ADAMTSL1: variants seen among roughly 807,000 people sequenced by gnomAD.
ADAMTSL1 encodes ADAMTS like 1.
A neutral mutation model predicts 201.8 loss-of-function variants in ADAMTSL1; 126 were observed. That is an observed-to-expected ratio of 0.62 (90% CI 0.54 to 0.72). The LOEUF (loss-of-function observed/expected upper bound fraction) is 0.72. Ranked by LOEUF, ADAMTSL1 falls within the 30% of genes least tolerant of loss-of-function variation. ADAMTSL1 has a pLI of 0.00. For missense variants in ADAMTSL1, 2,679 were observed against 2,277.8 expected, an observed-to-expected ratio of 1.18 and a Z score of -3.59; for synonymous variants, 1,121 against 903.4, an observed-to-expected ratio of 1.24 and a Z score of -4.32.
At chr9:18,593,501 T>C (rs1824056421) in intron 4 of ADAMTSL1, among the ~76,000 whole-genome samples, 1 of 152,218 alleles carries the variant, frequency 6.6e-6, no homozygotes, top group African/African-American at 2.4e-5. Flanking sequence ...TTAAATTGTT[T>C]ATTTGAAATT....
chr9:18,179,210 C>T (rs560436603), intron 2 of ADAMTSL1, among the ~76,000 whole-genome samples: 13 of 151,972 alleles, frequency 8.6e-5, no homozygotes, highest in East Asian at 1.9e-4. Flanking sequence ...AACCAAGGCT[C>T]GAGAACTACG....
At chr9:18,907,352 C>G (rs1830374521) in intron 28 of ADAMTSL1, 1 of 175,822 alleles carries the variant, frequency 5.7e-6, no homozygotes, top group Non-Finnish European at 1.2e-5. Flanking sequence ...TGCTTCTCAC[C>G]CAACAAGGAC....
intron 1 of ADAMTSL1, among the ~76,000 whole-genome samples, chr9:17,925,110 A>T (rs1342390269): frequency 1.1e-5 from 1 of 92,876 alleles, no homozygotes; most frequent in Non-Finnish European, 2.3e-5. Flanking sequence ...AAAAATGCTC[A>T]TCATCACTGG....
intron 20 of ADAMTSL1, among the ~76,000 whole-genome samples, chr9:18,814,015 A>G (rs1485964663): frequency 6.6e-6 from 1 of 152,166 alleles, no homozygotes; most frequent in East Asian, 1.9e-4. Context: ...TTTATCATGA[A>G]TGGATGTTGA....
chr9:18,737,319 CAAAA>C (rs59511409), intron 15 of ADAMTSL1, among the ~76,000 whole-genome samples: 19 of 53,670 alleles, frequency 3.5e-4, no homozygotes, highest in African/African-American at 1.4e-3. Context: ...AACTCTGTCT[CAAAA>C]AAAAAAAAAA....
intron 1 of ADAMTSL1, among the ~76,000 whole-genome samples, chr9:18,054,915 G>T (rs1822107784): frequency 6.6e-6 from 1 of 152,128 alleles, no homozygotes; most frequent in African/African-American, 2.4e-5. Flanking sequence ...GTACTGAACT[G>T]GTCCAACTAT....
intron 4 of ADAMTSL1, among the ~76,000 whole-genome samples, chr9:18,578,968 T>A (rs1307717505): frequency 1.3e-5 from 2 of 151,666 alleles, no homozygotes; most frequent in Non-Finnish European, 2.9e-5. Flanking sequence ...TTTGCATTTC[T>A]CTGATGGCCA....
intron 13 of ADAMTSL1, among the ~76,000 whole-genome samples, chr9:18,702,374 ATATT>A (rs1831974719): frequency 6.6e-6 from 1 of 152,210 alleles, no homozygotes; most frequent in Non-Finnish European, 1.5e-5. Context: ...GTTTATCAGT[ATATT>A]AATAAAGTGA....
intron 20 of ADAMTSL1, among the ~76,000 whole-genome samples, chr9:18,806,786 T>A (rs1823150290): frequency 6.6e-6 from 1 of 152,144 alleles, no homozygotes; most frequent in African/African-American, 2.4e-5. Flanking sequence ...TCTCCAGAGG[T>A]CCTCATCCTT....
At chr9:18,652,584 A>G (rs975966035) in intron 7 of ADAMTSL1, among the ~76,000 whole-genome samples, 1 of 152,190 alleles carries the variant, frequency 6.6e-6, no homozygotes, top group Non-Finnish European at 1.5e-5. Flanking sequence ...ACAGTACTTA[A>G]TAAATTATAT....
intron 2 of ADAMTSL1, among the ~76,000 whole-genome samples, chr9:18,411,597 A>C (rs1033396738): frequency 6.6e-6 from 1 of 152,216 alleles, no homozygotes; most frequent in African/African-American, 2.4e-5. Context: ...TATTATCAGA[A>C]TCGTTATATA....
At chr9:18,405,683 A>G (rs1818163171) in intron 2 of ADAMTSL1, among the ~76,000 whole-genome samples, 1 of 152,118 alleles carries the variant, frequency 6.6e-6, no homozygotes, top group East Asian at 1.9e-4. Context: ...ATTTAAAACT[A>G]TTATGATGGT....
At chr9:18,207,348 T>C (rs895088264) in intron 2 of ADAMTSL1, among the ~76,000 whole-genome samples, 3 of 152,142 alleles carry the variant, frequency 2.0e-5, no homozygotes, top group African/African-American at 7.2e-5. Context: ...CGTCTTATAA[T>C]ATGGTATCTC....
chr9:18,152,445 G>A (rs1393110552), intron 1 of ADAMTSL1, among the ~76,000 whole-genome samples: 1 of 152,142 alleles, frequency 6.6e-6, no homozygotes, highest in East Asian at 1.9e-4. Flanking sequence ...GCCTAAAAGA[G>A]ATGGCTGACT....
chr9:18,489,418 T>C (rs1265879050), intron 1 of ADAMTSL1, among the ~76,000 whole-genome samples: 1 of 152,158 alleles, frequency 6.6e-6, no homozygotes, highest in African/African-American at 2.4e-5. Context: ...GATCATCCGA[T>C]CCTGTTACAT....
chr9:18,499,393 G>T (rs1822712813), intron 1 of ADAMTSL1, among the ~76,000 whole-genome samples: 1 of 152,226 alleles, frequency 6.6e-6, no homozygotes. Flanking sequence ...GTTGGCGGCA[G>T]AACCAGTATT....
Position 17,966,081 on chromosome 9 carries a change from G to A in ADAMTSL1, c.87+59159G>A, listed in dbSNP as rs372757385. Among the ~76,000 whole-genome samples the A allele has an allele frequency of 6.4e-4, 97 of 152,188 alleles. 1 individual carries two copies. In the South Asian group the frequency reaches 0.019, roughly 30 times the overall value. On this transcript the variant is annotated intron_variant, in intron 1 of 29. Coordinates refer to the ADAMTSL1 transcript ENST00000680146. ...TGTTTGTCACATTGTTGCAAATATG[G>A]TCCACATATTTTAGAAATGTTGAGG...
intron 2 of ADAMTSL1, among the ~76,000 whole-genome samples, chr9:18,521,125 G>C (rs1199091851): frequency 2.6e-5 from 4 of 152,140 alleles, no homozygotes; most frequent in African/African-American, 9.7e-5. Flanking sequence ...CCTCAAAAAA[G>C]GACAAAGACA....
intron 2 of ADAMTSL1, among the ~76,000 whole-genome samples, chr9:18,414,316 A>C (rs1818578469): frequency 6.6e-6 from 1 of 152,248 alleles, no homozygotes; most frequent in Non-Finnish European, 1.5e-5. Flanking sequence ...CTGTAATGGA[A>C]AAGTAATCTT....
Sources: allele counts gnomAD v4.1 joint callset (sites outside exome capture counted in the v4.1 genomes callset), GRCh38; gene constraint gnomAD v4.1.1; transcripts MANE v1.5; gene names NCBI Gene and HGNC (gene_info 2026-07-23, HGNC 2026-07-21).